Variants in EFR3B observed in about 807,000 individuals in gnomAD.
EFR3B encodes protein EFR3 homolog B.
A neutral mutation model predicts 104.7 loss-of-function variants in EFR3B; 64 were observed. That is an observed-to-expected ratio of 0.61 (90% CI 0.50 to 0.75). The LOEUF (loss-of-function observed/expected upper bound fraction) is 0.75, where lower values mean the gene tolerates loss of function less well. Ranked by LOEUF, EFR3B falls within the 30% of genes least tolerant of loss-of-function variation. EFR3B has a pLI of 0.00. For synonymous variants in EFR3B, 385 were observed against 417.9 expected (o/e 0.92, Z 0.96); for missense variants, 750 against 1,078.5 (o/e 0.70, Z 4.27).
chr2:25,100,975 A>G (rs1433016213), intron 3 of EFR3B, among the ~76,000 whole-genome samples: 1 of 152,188 alleles, frequency 6.6e-6, no homozygotes, highest in Non-Finnish European at 1.5e-5. Context: ...CTTTCCAATG[A>G]GGTCAGTCAC....
rs1667802307 is a variant in EFR3B, at chr2:25,049,245, A to G, written c.7+6926A>G. On this transcript the variant is annotated intron_variant, in intron 1 of 22. Coordinates refer to ENST00000403714, the MANE Select transcript of EFR3B (RefSeq NM_014971.2). ...ACTTTAACTTACATTCTTTATTATT[A>G]GTGAAACACTTCTTTGTCTTCTAAC... is the stretch of plus-strand genomic sequence containing the variant. Among the ~76,000 whole-genome samples the G allele has an allele frequency of 2.0e-5, 3 of 152,224 alleles. No homozygotes were observed. The South Asian group carries it at 6.2e-4, about 31-fold the overall frequency.
At chr2:25,153,851 TCTCTC>T in intron 22 of EFR3B, 90 bp downstream of exon 22, 1 of 1,315,048 alleles carries the variant, frequency 7.6e-7, no homozygotes, top group Non-Finnish European at 1.1e-6. Context: ...TGTCTTCTCT[TCTCTC>T]CTCCCCACCT....
chr2:25,048,495 C>T (rs945140783), intron 1 of EFR3B, among the ~76,000 whole-genome samples: 5 of 152,168 alleles, frequency 3.3e-5, no homozygotes, highest in Non-Finnish European at 7.3e-5. Context: ...TGGAGAAGTA[C>T]TTGGTACTCA....
chr2:25,145,114 A>G, intron 19 of EFR3B, 63 bp downstream of exon 19: 1 of 1,446,280 alleles, frequency 6.9e-7, no homozygotes, highest in South Asian at 1.2e-5. Context: ...GCTGGACTCC[A>G]GGCTCCCCTG....
At chr2:25,088,595 C>T (rs1000594444) in intron 1 of EFR3B, among the ~76,000 whole-genome samples, 7 of 152,260 alleles carry the variant, frequency 4.6e-5, no homozygotes, top group Admixed American at 3.9e-4. Context: ...CCAGAACCTT[C>T]CTGGGGCCTG....
intron 1 of EFR3B, among the ~76,000 whole-genome samples, chr2:25,055,593 A>C (rs1205916636): frequency 6.6e-6 from 1 of 152,226 alleles, no homozygotes; most frequent in African/African-American, 2.4e-5. Context: ...ATTCATAAAG[A>C]CTTCTTTCCA....
intron 4 of EFR3B, among the ~76,000 whole-genome samples, chr2:25,117,305 G>A (rs2149198562): frequency 6.6e-6 from 1 of 152,248 alleles, no homozygotes; most frequent in South Asian, 2.1e-4. Context: ...GAGGGGTGGG[G>A]GACAGAAACC....
chr2:25,128,051 C>A, intron 5 of EFR3B, 132 bp from the exon 6 acceptor site: 1 of 994,206 alleles, frequency 1.0e-6, no homozygotes, highest in Non-Finnish European at 1.5e-6. Context: ...AGAGTAGCAG[C>A]TGGTCTCCAT....
intron 1 of EFR3B, among the ~76,000 whole-genome samples, chr2:25,068,697 T>C (rs1312462783): frequency 6.6e-6 from 1 of 151,336 alleles, no homozygotes; most frequent in African/African-American, 2.4e-5. Flanking sequence ...TGGCGCGATC[T>C]CGGCTCACTG....
chr2:25,147,162 C>T (rs756462730), intron 19 of EFR3B: 2 of 152,304 alleles, frequency 1.3e-5, no homozygotes, highest in Non-Finnish European at 2.9e-5. Context: ...ACTTCTCTCT[C>T]CCTGCTCTTG....
At chr2:25,124,234 T>C (rs1670098439) in intron 5 of EFR3B, among the ~76,000 whole-genome samples, 1 of 151,462 alleles carries the variant, frequency 6.6e-6, no homozygotes, top group African/African-American at 2.4e-5. Flanking sequence ...TGACTGCCCT[T>C]TCCAGTAACA....
At chr2:25,058,324 A>G (rs1668080485) in intron 1 of EFR3B, 1 of 152,070 alleles carries the variant, frequency 6.6e-6, no homozygotes, top group African/African-American at 2.4e-5. Flanking sequence ...GTGAGACCCC[A>G]TCTCTTTTAA....
In EFR3B at chr2:25,137,250, C is replaced by T. The variant is rs567702794; in HGVS notation, c.1561-91C>T. ...GAGGAGGGGGCACACAGCCATCCTG[C>T]CCCCCTTCAGATTGGTCTTCCTCCG... is the stretch of plus-strand genomic sequence containing the variant. On this transcript the variant is annotated intron_variant, in intron 14 of 22. Coordinates refer to ENST00000403714, the MANE Select transcript of EFR3B (RefSeq NM_014971.2). This position sits in a 1 kb window ranked among gnomAD's most constrained non-coding sequence, Gnocchi z 4.7. 78 of 1,424,864 alleles carry T rather than the reference C, an allele frequency of 5.5e-5. No individual in the cohort carries two copies. Among genetic ancestry groups the T allele is most frequent in the Admixed American group, 4.5e-4 (22 of 48,670 alleles). The allele number at this position is 1,424,864 out of a possible 1,614,324, so 88.3% of individuals were successfully genotyped here.
At chr2:25,149,117 G>A (rs1413183006) in intron 19 of EFR3B, among the ~76,000 whole-genome samples, 4 of 152,118 alleles carry the variant, frequency 2.6e-5, no homozygotes, top group East Asian at 3.9e-4. Context: ...TTGGGAGGCC[G>A]AGGCGGGCAG....
chr2:25,074,268 C>T (rs1668573860), intron 1 of EFR3B, among the ~76,000 whole-genome samples: 2 of 152,118 alleles, frequency 1.3e-5, no homozygotes, highest in South Asian at 2.1e-4. Context: ...CACCGTTGCT[C>T]AAAGGAAGCA....
chr2:25,081,031 T>A, intron 1 of EFR3B: 2 of 750,860 alleles, frequency 2.7e-6, no homozygotes, highest in East Asian at 4.9e-5. Context: ...ACATCTGCAA[T>A]GTTGACACCA....
At chr2:25,127,343 T>C (rs1455882060) in intron 5 of EFR3B, among the ~76,000 whole-genome samples, 1 of 151,982 alleles carries the variant, frequency 6.6e-6, no homozygotes, top group Non-Finnish European at 1.5e-5. Context: ...GCATAGAATG[T>C]ATGTGAAAAA....
intron 4 of EFR3B, among the ~76,000 whole-genome samples, chr2:25,119,347 A>AC (rs1317027487): frequency 6.6e-6 from 1 of 152,188 alleles, no homozygotes; most frequent in African/African-American, 2.4e-5. Flanking sequence ...AGACACCCTG[A>AC]CCGGACCAGC....
Position 25,135,494 on chromosome 2 carries a change from A to G in EFR3B, c.1339A>G (p.Met447Val), listed in dbSNP as rs1573229610. The G allele has an allele frequency of 6.4e-7, 1 of 1,551,706 alleles. No homozygotes were observed. The highest frequency in any genetic ancestry group is 1.2e-5 in the South Asian group (1 of 84,056). The change falls in exon 13 of 23, where the codon ATG (methionine) becomes GTG (valine). Residue 447 changes from methionine to valine, a missense_variant. Met to Val is a conservative substitution (Grantham distance 21). Coordinates refer to ENST00000403714, the MANE Select transcript of EFR3B (RefSeq NM_014971.2). ...ATCCACAGGTTTCCAGTGCAACAAC[A>G]TGATGTCAGCCCTGCCTAGCAACTT... ...QVSTGFQCNNMMSALPSNFLD... is the reference protein window; with the variant it reads ...QVSTGFQCNNVMSALPSNFLD...
Sources: gnomAD v4.1 joint callset for allele counts (sites outside exome capture counted in the v4.1 genomes callset) on GRCh38, gnomAD v4.1.1 for gene constraint, Gnocchi (gnomAD v3.1) non-coding constraint, MANE v1.5 for transcripts, NCBI Gene and HGNC (gene_info 2026-07-23, HGNC 2026-07-21) for gene names.